The following WWP1 variants were observed in gnomAD, a reference collection of about 807,000 sequenced individuals.
The protein encoded by WWP1 is NEDD4-like E3 ubiquitin-protein ligase WWP1.
WWP1 carries 49 observed loss-of-function variants against 130.6 expected under a neutral mutation model. The observed-to-expected ratio is 0.38, with a 90% CI of 0.30 to 0.48. The LOEUF (loss-of-function observed/expected upper bound fraction) is 0.48, where lower values mean the gene tolerates loss of function less well. Ranked by LOEUF, WWP1 falls within the 20% of genes least tolerant of loss-of-function variation. The probability of loss-of-function intolerance (pLI) is 0.99; values close to 1 mark genes in which losing one functional copy is unlikely to be tolerated. For synonymous variants in WWP1, 332 were observed against 367.8 expected, an observed-to-expected ratio of 0.90 and a Z score of 1.11; for missense variants, 809 against 1,100.6, an observed-to-expected ratio of 0.74 and a Z score of 3.75.
chr8:86,442,526 G>T, intron 17 of WWP1, 93 bp from the exon 18 acceptor site: 1 of 1,200,602 alleles, frequency 8.3e-7, no homozygotes. Context: ...AGACTGTTGA[G>T]CAGAGGTATG....
intron 18 of WWP1, among the ~76,000 whole-genome samples, chr8:86,445,511 A>G (rs2130733392): frequency 6.6e-6 from 1 of 152,240 alleles, no homozygotes; most frequent in African/African-American, 2.4e-5. Flanking sequence ...ATATGATTTC[A>G]TTCTTTTTTT....
At chr8:86,463,548 T>C (rs1811879892) in intron 24 of WWP1, among the ~76,000 whole-genome samples, 3 of 152,116 alleles carry the variant, frequency 2.0e-5, no homozygotes, top group Admixed American at 2.0e-4. Context: ...CCTTGTGATC[T>C]GCCCGCCTTG....
At chr8:86,357,443 A>G (rs1024153043) in intron 1 of WWP1, among the ~76,000 whole-genome samples, 50 of 152,234 alleles carry the variant, frequency 3.3e-4, no homozygotes, top group African/African-American at 1.0e-3. Context: ...TTCATTTAAA[A>G]GAGCATCTAG....
At chr8:86,373,051 T>C (rs542802862) in intron 2 of WWP1, among the ~76,000 whole-genome samples, 1 of 145,780 alleles carries the variant, frequency 6.9e-6, no homozygotes, top group South Asian at 2.2e-4. Flanking sequence ...GTGGTATTTT[T>C]GTTTTTCAGT....
intron 5 of WWP1, among the ~76,000 whole-genome samples, chr8:86,396,465 G>C (rs1237912681): frequency 6.7e-6 from 1 of 150,148 alleles, no homozygotes; most frequent in South Asian, 2.1e-4. Context: ...TTTGTTTTTT[G>C]TTTGTTTGTT....
intron 1 of WWP1, among the ~76,000 whole-genome samples, chr8:86,364,917 T>A (rs1314640367): frequency 6.6e-6 from 1 of 151,384 alleles, no homozygotes; most frequent in African/African-American, 2.4e-5. Flanking sequence ...AAATTAAAAA[T>A]ACAATTGAGT....
chr8:86,362,179 T>C (rs1422262309), intron 1 of WWP1, among the ~76,000 whole-genome samples: 2 of 126,216 alleles, frequency 1.6e-5, no homozygotes, highest in Non-Finnish European at 3.3e-5. Flanking sequence ...TATATATATA[T>C]ATATATATAT....
chr8:86,430,741 A>T lies in WWP1; in HGVS notation c.1377A>T (p.Pro459=). 3 of 1,563,838 alleles carry T rather than the reference A, an allele frequency of 1.9e-6. No individual in the cohort carries two copies. Among genetic ancestry groups the T allele is most frequent in the Non-Finnish European group, 2.6e-6 (3 of 1,153,472 alleles). The part of the protein sequence containing the change: ...AAENDPYGPL[P]PGWEKRVDST... ...AAAATGACCCTTATGGACCTTTGCCACCAGGCTGGGGTAAGCTGTTTTTGC... is the reference window on the plus strand; with the variant it reads ...AAAATGACCCTTATGGACCTTTGCCTCCAGGCTGGGGTAAGCTGTTTTTGC... The change falls in exon 12 of 25, where the codon CCA becomes CCT. Residue 459 remains proline (P), a synonymous_variant. Coordinates refer to ENST00000517970, the MANE Select transcript of WWP1 (RefSeq NM_007013.4).
At chr8:86,408,867 G>A (rs1013691483) in intron 8 of WWP1, among the ~76,000 whole-genome samples, 3 of 151,830 alleles carry the variant, frequency 2.0e-5, no homozygotes, top group South Asian at 4.2e-4. Context: ...CTGAGATCGC[G>A]CTACTGCACT....
chr8:86,466,027 A>C lies in WWP1; in HGVS notation c.2670-767A>C, dbSNP rs995937802. Among the ~76,000 whole-genome samples, 17 of 152,314 alleles carry C rather than the reference A, an allele frequency of 1.1e-4. No homozygotes were observed. The East Asian group carries it at 3.3e-3, about 29-fold the overall frequency. On this transcript the variant is annotated intron_variant, in intron 24 of 24. Coordinates refer to ENST00000517970, the MANE Select transcript of WWP1 (RefSeq NM_007013.4). ...CTTCCACATGGGAAAATGAAGGTACAGAAGGGTTCTGACTTACTCAGGGCT... is the reference window on the plus strand; with the variant it reads ...CTTCCACATGGGAAAATGAAGGTACCGAAGGGTTCTGACTTACTCAGGGCT...
Position 86,448,273 on chromosome 8 carries a change from C to A in WWP1, c.2124C>A (p.Ile708=), listed in dbSNP as rs1810992906. Residue 708 remains isoleucine (I), a synonymous_variant, in exon 19 of 25, where the codon ATC becomes ATA. Transcript: ENST00000517970. Reference sequence around the variant, plus strand: ...ATACTGAATTTTATAACTCCCTTATCTGGATAAGGTTTGAAGATTTTGTTT... The same window carrying A: ...ATACTGAATTTTATAACTCCCTTATATGGATAAGGTTTGAAGATTTTGTTT... The part of the protein sequence containing the change: ...SIDTEFYNSL[I]WIRDNNIEEC... 6.3e-7 allele frequency: 1 copy of A among 1,582,246 alleles called. No homozygotes were observed. Among genetic ancestry groups the A allele is most frequent in the Non-Finnish European group, 8.5e-7 (1 of 1,171,542 alleles).
At position 86,461,268 on chromosome 8, in the gene WWP1, G is replaced by T. The variant is rs1301428328; in HGVS notation, c.2544G>T (p.Gln848His). The change falls in exon 23 of 25, where the codon CAG becomes CAT. Residue 848 changes from glutamine (Q) to histidine (H), a missense_variant. Physicochemically the swap from Gln to His is conservative, Grantham distance 24. This residue lies in a region of WWP1 where 450 missense variants were observed against 674.2 expected (regional missense o/e 0.67). Transcript: ENST00000517970. ...ATGAAGTAAGAATGCGACTATTGCAGTTCGTCACTGGAACCTGCCGTTTAC... is the reference window on the plus strand; with the variant it reads ...ATGAAGTAAGAATGCGACTATTGCATTTCGTCACTGGAACCTGCCGTTTAC... The part of the protein sequence containing the change: ...TDNEVRMRLL[Q>H]FVTGTCRLPL... The T allele has an allele frequency of 6.2e-7, 1 of 1,614,056 alleles. No individual in the cohort carries two copies. The highest frequency in any genetic ancestry group is 8.5e-7 in the Non-Finnish European group (1 of 1,180,044).
At chr8:86,429,016 A>T (rs1215543663) in intron 11 of WWP1, among the ~76,000 whole-genome samples, 1 of 152,126 alleles carries the variant, frequency 6.6e-6, no homozygotes, top group African/African-American at 2.4e-5. Flanking sequence ...CTGGGGTAAA[A>T]GTGTAAGTGC....
At position 86,342,872 on chromosome 8, in the gene WWP1, A is replaced by AG. The variant is rs1014440190; in HGVS notation, c.-171dup. The AG allele has an allele frequency of 1.2e-5, 4 of 326,182 alleles. No homozygotes were observed. The highest frequency in any genetic ancestry group is 6.9e-5 in the African/African-American group (3 of 43,730). 20.2% of individuals were successfully genotyped at this position (326,182 alleles called of 1,614,324 possible). On this transcript the variant is annotated 5_prime_UTR_variant, in exon 1 of 25. Transcript: ENST00000517970. The stretch of plus-strand genomic sequence containing the variant: ...GCGGAAGGGTGAGGGCGCCCGCCGC[A>AG]GGAGGAGGTGCCGCTGCCGTGGCCG...
chr8:86,376,628 G>A (rs1333786988), intron 3 of WWP1, among the ~76,000 whole-genome samples: 1 of 152,032 alleles, frequency 6.6e-6, no homozygotes, highest in Non-Finnish European at 1.5e-5. Context: ...AATTTGAGGT[G>A]AAAAAGAACA....
intron 5 of WWP1, among the ~76,000 whole-genome samples, chr8:86,395,951 A>G (rs1035660799): frequency 1.3e-5 from 2 of 152,206 alleles, no homozygotes; most frequent in Non-Finnish European, 2.9e-5. Context: ...AATCTATTCA[A>G]ACAGCTATAT....
chr8:86,414,415 A>G (rs756057526), intron 9 of WWP1, among the ~76,000 whole-genome samples: 1 of 152,190 alleles, frequency 6.6e-6, no homozygotes, highest in Non-Finnish European at 1.5e-5. Context: ...AAATGCTAAT[A>G]TTTTAGGTTG....
chr8:86,381,345 T>A (rs1320665689), intron 4 of WWP1, among the ~76,000 whole-genome samples, 160 bp from the exon 5 acceptor site: 1 of 152,230 alleles, frequency 6.6e-6, no homozygotes. Flanking sequence ...TTATTTATGA[T>A]TCAAGTAGTT....
chr8:86,452,717 G>T (rs2130758450), intron 21 of WWP1, 38 bp downstream of exon 21: 3 of 1,604,796 alleles, frequency 1.9e-6, no homozygotes, highest in Middle Eastern at 1.7e-4. Flanking sequence ...GGGAATGTTA[G>T]TGGGGGGAGG....
Sources: gnomAD v4.1 joint callset for allele counts (sites outside exome capture counted in the v4.1 genomes callset) on GRCh38, gnomAD v4.1.1 for gene constraint, gnomAD v4.1.1 regional missense constraint, MANE v1.5 for transcripts, NCBI Gene and HGNC (gene_info 2026-07-23, HGNC 2026-07-21) for gene names.